SVIL: variants seen among roughly 807,000 people sequenced by gnomAD.
SVIL encodes archvillin.
Under a neutral mutation model 240.4 loss-of-function variants are expected in SVIL, and 101 were observed. The ratio of observed to expected loss-of-function variants is 0.42; its 90% CI spans 0.36 to 0.50. SVIL has a LOEUF of 0.50. Among genes scored for constraint, SVIL ranks in the 20% least tolerant of loss-of-function variants. SVIL has a pLI of 0.01. For synonymous variants in SVIL, 999 were observed against 1,100.0 expected (o/e 0.91, Z 1.82); for missense variants, 2,512 against 2,818.7 (o/e 0.89, Z 2.46).
intron 6 of SVIL, among the ~76,000 whole-genome samples, chr10:29,549,788 C>T (rs1486244484): frequency 8.7e-5 from 12 of 138,206 alleles, no homozygotes; most frequent in South Asian, 2.3e-4. Context: ...AACCAAACAC[C>T]GCATATTCTC....
intron 32 of SVIL, among the ~76,000 whole-genome samples, chr10:29,468,626 A>G (rs1236197411): frequency 6.8e-6 from 1 of 147,348 alleles, no homozygotes; most frequent in Non-Finnish European, 1.5e-5. Context: ...TAGTAGGTGT[A>G]TATATATATA....
chr10:29,723,046 C>T (rs1253633060), intron 1 of SVIL, among the ~76,000 whole-genome samples: 1 of 152,196 alleles, frequency 6.6e-6, no homozygotes, highest in Non-Finnish European at 1.5e-5. Flanking sequence ...AAAATCCCGG[C>T]AGACTGCCCT....
At chr10:29,625,770 A>AT (rs1383342034) in intron 1 of SVIL, among the ~76,000 whole-genome samples, 2 of 152,126 alleles carry the variant, frequency 1.3e-5, no homozygotes, top group Non-Finnish European at 2.9e-5. Context: ...CCTCAAACAT[A>AT]TATTTTGAAA....
chr10:29,656,959 A>C (rs986998886), intron 3 of SVIL, among the ~76,000 whole-genome samples: 1 of 152,224 alleles, frequency 6.6e-6, no homozygotes, highest in Non-Finnish European at 1.5e-5. Flanking sequence ...GCACATATTC[A>C]TAATTTTAGT....
At chr10:29,526,158 A>G (rs1164929135) in intron 13 of SVIL, among the ~76,000 whole-genome samples, 2 of 152,172 alleles carry the variant, frequency 1.3e-5, no homozygotes, top group African/African-American at 4.8e-5. Context: ...ATATAATGGC[A>G]TTGACTCTAT....
chr10:29,566,102 T>C (rs897355216), intron 2 of SVIL, among the ~76,000 whole-genome samples: 12 of 152,050 alleles, frequency 7.9e-5, no homozygotes, highest in Non-Finnish European at 1.6e-4. Flanking sequence ...GTCAATAACA[T>C]CAGTCATAAG....
intron 17 of SVIL, among the ~76,000 whole-genome samples, chr10:29,503,826 T>G (rs1949074080): frequency 6.6e-6 from 1 of 152,136 alleles, no homozygotes. Flanking sequence ...AGCAAGAGAT[T>G]TTGTAGATAT....
At chr10:29,709,911 G>C (rs1283503349) in intron 1 of SVIL, among the ~76,000 whole-genome samples, 1 of 152,108 alleles carries the variant, frequency 6.6e-6, no homozygotes, top group Non-Finnish European at 1.5e-5. Context: ...CTCCTCCCCA[G>C]ACTGTGCTGC....
intron 3 of SVIL, among the ~76,000 whole-genome samples, chr10:29,557,600 AT>A (rs1202496934): frequency 6.6e-6 from 1 of 152,214 alleles, no homozygotes; most frequent in Admixed American, 6.5e-5. Flanking sequence ...AACTAAAGGC[AT>A]TTTAAAAAAA....
intron 5 of SVIL, among the ~76,000 whole-genome samples, chr10:29,553,345 G>A (rs912155156): frequency 2.0e-5 from 3 of 151,986 alleles, no homozygotes; most frequent in Admixed American, 6.6e-5. Context: ...TTGGGTGGCC[G>A]AGGCAGGCGG....
At chr10:29,466,248 CAT>C (rs889127136) in intron 33 of SVIL, among the ~76,000 whole-genome samples, 136 of 151,330 alleles carry the variant, frequency 9.0e-4, no homozygotes, top group East Asian at 1.2e-3. Context: ...TGTTATATAA[CAT>C]AAATATACAT....
chr10:29,495,619 A>C (rs922589490), intron 18 of SVIL, among the ~76,000 whole-genome samples: 2 of 152,218 alleles, frequency 1.3e-5, no homozygotes, highest in Non-Finnish European at 2.9e-5. Context: ...AGGGAGGGAC[A>C]GTGGCCCTGG....
At position 29,551,196 on chromosome 10, in the gene SVIL, G is replaced by C; in HGVS notation, c.228C>G (p.Cys76Trp). The C allele has an allele frequency of 6.2e-7, 1 of 1,613,588 alleles. No individual in the cohort carries two copies. The highest frequency in any genetic ancestry group is 8.5e-7 in the Non-Finnish European group (1 of 1,179,880). ...CACCGTGGACACCGGAGGTTTCTGTGCAGTATTTGGATCGAGTTTGCTTTT... is the reference window on the plus strand; with the variant it reads ...CACCGTGGACACCGGAGGTTTCTGTCCAGTATTTGGATCGAGTTTGCTTTT... ...SLEKQTRSKY[C>W]TETSGVHGDS... The change falls in exon 6 of 38, where the codon TGC becomes TGG. Residue 76 changes from cysteine to tryptophan, a missense_variant. This residue lies in a region of SVIL where 1,443 missense variants were observed against 1,486.6 expected (regional missense o/e 0.97). Coordinates refer to ENST00000355867, the MANE Select transcript of SVIL (RefSeq NM_021738.3).
chr10:29,477,655 GGAGT>G (rs1239785340), intron 29 of SVIL, among the ~76,000 whole-genome samples: 12 of 152,342 alleles, frequency 7.9e-5, no homozygotes, highest in Admixed American at 7.2e-4. Flanking sequence ...CGTTGGTTAC[GGAGT>G]GACTGCAAGT....
intron 6 of SVIL, 39 bp from the exon 7 acceptor site, chr10:29,536,108 A>G: frequency 6.3e-7 from 1 of 1,587,492 alleles, no homozygotes; most frequent in Non-Finnish European, 8.7e-7. Context: ...AATCTCTATT[A>G]AAACGTCAAC....
At position 29,493,263 on chromosome 10, in the gene SVIL, C is replaced by T; in HGVS notation, c.3970G>A (p.Val1324Met). ...ACATCGAAGTCCTCATCCATCTCCACAGGACTTCTTGGCATATTATAATCC... is the reference window on the plus strand; with the variant it reads ...ACATCGAAGTCCTCATCCATCTCCATAGGACTTCTTGGCATATTATAATCC... ...SVDYNMPRSP[V>M]EMDEDFDVIF... Residue 1324 changes from valine to methionine, a missense_variant, in exon 21 of 38, where the codon GTG (valine) becomes ATG (methionine). By Grantham distance (21) the Val-to-Met change is conservative. Coordinates refer to ENST00000355867, the MANE Select transcript of SVIL (RefSeq NM_021738.3). 6.2e-7 allele frequency: 1 copy of T among 1,614,138 alleles called. No homozygotes were observed.
intron 1 of SVIL, among the ~76,000 whole-genome samples, chr10:29,700,316 T>A (rs967983451): frequency 1.3e-5 from 2 of 152,236 alleles, no homozygotes; most frequent in Admixed American, 1.3e-4. Flanking sequence ...TACCAGCAGA[T>A]TCAGAGGACA....
chr10:29,568,736 G>A (rs1016300083), intron 2 of SVIL, among the ~76,000 whole-genome samples: 11 of 152,110 alleles, frequency 7.2e-5, no homozygotes, highest in African/African-American at 2.7e-4. Flanking sequence ...AAGGTTAAGA[G>A]AGAGAGTTGA....
chr10:29,592,879 T>A (rs1956443813), intron 1 of SVIL, among the ~76,000 whole-genome samples: 1 of 152,198 alleles, frequency 6.6e-6, no homozygotes, highest in South Asian at 2.1e-4. Flanking sequence ...ATCTCATTCT[T>A]TAGGGCTAGC....
Sources: allele counts gnomAD v4.1 joint callset (sites outside exome capture counted in the v4.1 genomes callset), GRCh38; gene constraint gnomAD v4.1.1; regional missense constraint gnomAD v4.1.1; transcripts MANE v1.5; gene names NCBI Gene and HGNC (gene_info 2026-07-23, HGNC 2026-07-21).